PLCE1: variants seen among roughly 807,000 people sequenced by gnomAD.
The protein encoded by PLCE1 is 1-phosphatidylinositol 4,5-bisphosphate phosphodiesterase epsilon-1.
A neutral mutation model predicts 242.8 loss-of-function variants in PLCE1; 119 were observed. That is an observed-to-expected ratio of 0.49 (90% CI 0.42 to 0.57). PLCE1 has a LOEUF of 0.57. Ranked by LOEUF, PLCE1 falls within the 20% of genes least tolerant of loss-of-function variation. The pLI is 0.00. For synonymous variants in PLCE1, 945 were observed against 1,017.4 expected, an observed-to-expected ratio of 0.93 and a Z score of 1.35; for missense variants, 2,441 against 2,788.8, an observed-to-expected ratio of 0.88 and a Z score of 2.81.
In PLCE1 at chr10:94,051,286, C is replaced by CAAAAAAAAAAAAAAA. The variant is rs869233995; in HGVS notation, c.1206+19046_1206+19060dup. 2.0e-4 allele frequency among the ~76,000 whole-genome samples: 6 copies of CAAAAAAAAAAAAAAA among 29,370 alleles called. 1 individual carries two copies. Among genetic ancestry groups the CAAAAAAAAAAAAAAA allele is most frequent in the African/African-American group, 3.7e-4 (4 of 10,936 alleles). 19.3% of individuals were successfully genotyped at this position (29,370 alleles called of 152,430 possible). ...TGGGTGATAGAGCGAGACTCCAACTCAAAAAAAAAAAAAAAAAAAAAAAAA... is the reference window on the plus strand; with the variant it reads ...TGGGTGATAGAGCGAGACTCCAACTCAAAAAAAAAAAAAAAAAAAAAAAAAAAAAAAAAAAAAAAA... On this transcript the variant is annotated intron_variant, in intron 2 of 32. Coordinates refer to ENST00000371380, the MANE Select transcript of PLCE1 (RefSeq NM_016341.4).
intron 4 of PLCE1, among the ~76,000 whole-genome samples, chr10:94,173,762 T>C (rs544511225): frequency 6.6e-6 from 1 of 152,326 alleles, no homozygotes; most frequent in Non-Finnish European, 1.5e-5. Flanking sequence ...CTTCAGAACG[T>C]AAACAAGATT....
intron 2 of PLCE1, among the ~76,000 whole-genome samples, chr10:94,114,730 GT>G (rs1050828806): frequency 6.9e-6 from 1 of 145,102 alleles, no homozygotes; most frequent in Non-Finnish European, 1.5e-5. Flanking sequence ...TATGCCCTAT[GT>G]TTTTTTTTGT....
At chr10:94,275,918 A>C (rs951882274) in intron 19 of PLCE1, among the ~76,000 whole-genome samples, 3 of 152,136 alleles carry the variant, frequency 2.0e-5, no homozygotes, top group Admixed American at 6.5e-5. Context: ...TTTCATATAG[A>C]CTGTTCTTAT....
intron 7 of PLCE1, among the ~76,000 whole-genome samples, chr10:94,240,240 C>T (rs990659749): frequency 2.0e-5 from 3 of 152,140 alleles, no homozygotes; most frequent in African/African-American, 7.2e-5. Context: ...ATAACATTAG[C>T]AATATTTAAG....
chr10:94,019,046 A>T (rs975913768), intron 1 of PLCE1, among the ~76,000 whole-genome samples: 11 of 152,220 alleles, frequency 7.2e-5, no homozygotes, highest in Admixed American at 4.6e-4. Context: ...AATAAAAGGT[A>T]CTACTTTTTG....
At chr10:94,326,506 A>AACTT (rs2054021262) in intron 32 of PLCE1, among the ~76,000 whole-genome samples, 1 of 152,232 alleles carries the variant, frequency 6.6e-6, no homozygotes, top group Admixed American at 6.5e-5. Context: ...ACACCTCTAT[A>AACTT]ACTTCTGTAA....
At chr10:94,021,637 A>G (rs1212068376) in intron 1 of PLCE1, among the ~76,000 whole-genome samples, 1 of 152,130 alleles carries the variant, frequency 6.6e-6, no homozygotes, top group Admixed American at 6.5e-5. Context: ...CACATTGTCA[A>G]GATTATTGGA....
intron 2 of PLCE1, chr10:94,109,011 G>T (rs1162154803): frequency 6.6e-6 from 1 of 152,182 alleles, no homozygotes; most frequent in Non-Finnish European, 1.5e-5. Flanking sequence ...GTGCAGGCTT[G>T]CTAGTTGATA....
chr10:94,064,756 A>C (rs912806880), intron 2 of PLCE1, among the ~76,000 whole-genome samples: 1 of 152,150 alleles, frequency 6.6e-6, no homozygotes, highest in Non-Finnish European at 1.5e-5. Flanking sequence ...GGGTTGCATG[A>C]ATTGTTCATT....
intron 19 of PLCE1, among the ~76,000 whole-genome samples, chr10:94,273,931 C>A (rs112976494): frequency 6.6e-5 from 10 of 152,308 alleles, no homozygotes; most frequent in African/African-American, 2.4e-4. Context: ...TGGAATAGTT[C>A]CCACATAGAA....
intron 27 of PLCE1, among the ~76,000 whole-genome samples, chr10:94,311,324 C>G (rs74821208): frequency 0.028 from 4,320 of 152,304 alleles, 68 homozygotes; most frequent in African/African-American, 0.047. Flanking sequence ...TCTAATCATG[C>G]CTTGGTCTTT....
intron 2 of PLCE1, chr10:94,096,619 A>G (rs2045323652): frequency 6.6e-6 from 1 of 152,178 alleles, no homozygotes; most frequent in Admixed American, 6.5e-5. Context: ...GATTATAGAA[A>G]TTAAATCCCC....
At chr10:94,133,171 C>A (rs1367616885) in intron 3 of PLCE1, among the ~76,000 whole-genome samples, 1 of 152,058 alleles carries the variant, frequency 6.6e-6, no homozygotes, top group Non-Finnish European at 1.5e-5. Context: ...AAATATAGAT[C>A]TCCTTCATAC....
chr10:94,032,295 T>A (rs751606067), intron 2 of PLCE1, 43 bp downstream of exon 2: 2 of 1,594,364 alleles, frequency 1.3e-6, no homozygotes, highest in Admixed American at 3.4e-5. Context: ...TAAACTTGCT[T>A]TTTTTTTCAA....
intron 1 of PLCE1, among the ~76,000 whole-genome samples, chr10:94,020,254 A>G (rs914831418): frequency 6.6e-6 from 1 of 152,160 alleles, no homozygotes; most frequent in African/African-American, 2.4e-5. Flanking sequence ...ATGACTAATG[A>G]TGTTGAATAT....
intron 2 of PLCE1, among the ~76,000 whole-genome samples, chr10:94,101,652 C>T (rs2045541353): frequency 2.0e-5 from 3 of 152,194 alleles, no homozygotes; most frequent in Admixed American, 2.0e-4. Context: ...GGGCCAGTGG[C>T]TGGCACAGGA....
intron 3 of PLCE1, among the ~76,000 whole-genome samples, chr10:94,162,394 T>C (rs2047646885): frequency 6.6e-6 from 1 of 152,216 alleles, no homozygotes; most frequent in Non-Finnish European, 1.5e-5. Flanking sequence ...GGAGGGTGTA[T>C]GTGTGGAGGA....
At chr10:94,112,507 C>T (rs2045985875) in intron 2 of PLCE1, among the ~76,000 whole-genome samples, 1 of 152,202 alleles carries the variant, frequency 6.6e-6, no homozygotes, top group Non-Finnish European at 1.5e-5. Flanking sequence ...TCATGCTGGG[C>T]ATGGCTGGAA....
At chr10:94,082,699 G>A (rs2044688676) in intron 2 of PLCE1, among the ~76,000 whole-genome samples, 1 of 152,032 alleles carries the variant, frequency 6.6e-6, no homozygotes, top group Admixed American at 6.5e-5. Context: ...GCCAATGGGT[G>A]GATACAAGAT....
Sources: allele counts gnomAD v4.1 joint callset (sites outside exome capture counted in the v4.1 genomes callset), GRCh38; gene constraint gnomAD v4.1.1; transcripts MANE v1.5; gene names NCBI Gene and HGNC (gene_info 2026-07-23, HGNC 2026-07-21).